Variants in NXF3 observed in about 807,000 individuals in gnomAD.
NXF3 encodes TAP-like protein 3.
In NXF3, 34 loss-of-function variants were observed where a neutral mutation model predicts 48.4. That is an observed-to-expected ratio of 0.70 (90% CI 0.53 to 0.93). The LOEUF (loss-of-function observed/expected upper bound fraction) is 0.93, where lower values mean the gene tolerates loss of function less well. Among genes scored for constraint, NXF3 ranks in the 40% least tolerant of loss-of-function variants. The pLI, the probability that NXF3 is intolerant of heterozygous loss-of-function variation, is 0.00. For synonymous variants in NXF3, 132 were observed against 145.7 expected (o/e 0.91, Z 0.68); for missense variants, 359 against 406.1 (o/e 0.88, Z 1.00).
chrX:103,085,105 C>T (rs1234193398), intron 1 of NXF3, among the ~76,000 whole-genome samples: 1 of 111,159 alleles, frequency 9.0e-6, no homozygotes, highest in Non-Finnish European at 1.9e-5. Context: ...GCTGGGACTA[C>T]AGGCATGTGC....
At chrX:103,080,886 T>C in intron 9 of NXF3, 1 of 369,049 alleles carries the variant, frequency 2.7e-6, no homozygotes, top group Non-Finnish European at 4.8e-6. Flanking sequence ...GCTACCTCAC[T>C]GGATGTCCGT....
Position 103,084,325 on chromosome X carries a change from T to C in NXF3, c.351+17A>G. On this transcript the variant is annotated intron_variant, in intron 3 of 19. Coordinates refer to ENST00000395065, the MANE Select transcript of NXF3 (RefSeq NM_022052.2). ...TTCTCCTTCTGAACATTAGATCCAC[T>C]TTGCCAGGACACTCACTGTGATCTT... 8.3e-7 allele frequency: 1 copy of C among 1,209,871 alleles called. No homozygotes were observed. Among genetic ancestry groups the C allele is most frequent in the Non-Finnish European group, 1.1e-6 (1 of 894,448 alleles).
chrX:103,092,388 T>C (rs1209014089), intron 1 of NXF3, among the ~76,000 whole-genome samples: 2 of 112,291 alleles, frequency 1.8e-5, no homozygotes, highest in Non-Finnish European at 3.8e-5. Flanking sequence ...ATTCTAAATT[T>C]GTATGCATGT....
Position 103,079,717 on chromosome X carries a change from G to A in NXF3, c.1160+46C>T, listed in dbSNP as rs763893765. 1.4e-5 allele frequency: 16 copies of A among 1,185,059 alleles called. No individual in the cohort carries two copies. In the Admixed American group the frequency reaches 3.3e-4, roughly 24 times the overall value. ...CTCCAGGAGCTGGTGTCTTTCTGCA[G>A]GGGAGTCACATGGCCCTGGACCAGG... On this transcript the variant is annotated intron_variant, in intron 13 of 19. Transcript: ENST00000395065.
rs1374017135 is a variant in NXF3, at chrX:103,079,457, G to A, written c.1237C>T (p.Leu413=). ...ACAATATCAAGTTTTGTGTGCTTCA[G>A]CAGCTCCCCCCGAAGGTCTGTAGAG... ...LKDPYLRGEL[L]KHTKLDIVDS... is the part of the protein sequence containing the mutation. The change falls in exon 15 of 20, where the codon CTG becomes TTG. Residue 413 remains leucine (L), a synonymous_variant. Transcript: ENST00000395065. 8.3e-7 allele frequency: 1 copy of A among 1,208,713 alleles called. No homozygotes were observed. Among genetic ancestry groups the A allele is most frequent in the Non-Finnish European group, 1.1e-6 (1 of 894,242 alleles).
chrX:103,078,387 A>G (rs1436051750), intron 17 of NXF3, among the ~76,000 whole-genome samples, 173 bp downstream of exon 17: 1 of 112,206 alleles, frequency 8.9e-6, no homozygotes, highest in African/African-American at 3.2e-5. Context: ...TCAGCTTCCT[A>G]AAATACTGGG....
At chrX:103,092,168 C>A (rs1197791563) in intron 1 of NXF3, among the ~76,000 whole-genome samples, 1 of 109,580 alleles carries the variant, frequency 9.1e-6, no homozygotes, top group Non-Finnish European at 1.9e-5. Context: ...TGATTATTTA[C>A]GGACATAGTT....
At position 103,082,274 on chromosome X, in the gene NXF3, C is replaced by A. The variant is rs767943790; in HGVS notation, c.871G>T (p.Asp291Tyr). ...DRSPVCTTFS[D>Y]TSSNINSILE... ...ACTGACTTTATGTTGCTGGAGGTAT[C>A]CGAGAAGGTCGTGCACACTGGGCTT... Residue 291 changes from aspartate (D) to tyrosine (Y), a missense_variant, in exon 9 of 20, where the codon GAT becomes TAT. Transcript: ENST00000395065. 17 of 1,202,970 alleles carry A rather than the reference C, an allele frequency of 1.4e-5. No homozygotes were observed. The highest frequency in any genetic ancestry group is 1.8e-5 in the Non-Finnish European group (16 of 889,299).
chrX:103,082,635 A>G, intron 8 of NXF3, 125 bp downstream of exon 8: 2 of 589,477 alleles, frequency 3.4e-6, no homozygotes. Flanking sequence ...GGCAAAAGCT[A>G]TGGGGAGGAA....
chrX:103,082,278 G>A lies in NXF3; in HGVS notation c.867C>T (p.Phe289=). 8.3e-7 allele frequency: 1 copy of A among 1,206,693 alleles called. No individual in the cohort carries two copies. The highest frequency in any genetic ancestry group is 1.1e-6 in the Non-Finnish European group (1 of 891,075). Residue 289 remains phenylalanine (F), a synonymous_variant, in exon 9 of 20, where the codon TTC becomes TTT. Transcript: ENST00000395065. The part of the protein sequence containing the change: ...CADRSPVCTT[F]SDTSSNINSI... ...ACTTTATGTTGCTGGAGGTATCCGAGAAGGTCGTGCACACTGGGCTTCTGT... is the reference window on the plus strand; with the variant it reads ...ACTTTATGTTGCTGGAGGTATCCGAAAAGGTCGTGCACACTGGGCTTCTGT...
intron 1 of NXF3, among the ~76,000 whole-genome samples, chrX:103,092,394 C>T (rs1922300276): frequency 9.0e-6 from 1 of 111,709 alleles, no homozygotes; most frequent in Non-Finnish European, 1.9e-5. Context: ...AATTTGTATG[C>T]ATGTCTTAAC....
At chrX:103,080,747 C>A in intron 9 of NXF3, 135 bp from the exon 10 acceptor site, 1 of 579,427 alleles carries the variant, frequency 1.7e-6, no homozygotes, top group Admixed American at 2.8e-5. Flanking sequence ...GCCTCTGCAG[C>A]CCTGGGCAGC....
intron 1 of NXF3, chrX:103,089,104 T>C: frequency 1.1e-6 from 1 of 939,112 alleles, no homozygotes. Flanking sequence ...GCTAGGAGTT[T>C]CTGATCTCCA....
At chrX:103,079,992 C>T in intron 12 of NXF3, 21 bp downstream of exon 12, 1 of 1,209,537 alleles carries the variant, frequency 8.3e-7, no homozygotes, top group Middle Eastern at 2.3e-4. Flanking sequence ...TCTCTTGCCT[C>T]AGATTCCCAG....
At chrX:103,082,179 G>A (rs1386295611) in intron 9 of NXF3, 76 bp downstream of exon 9, 1 of 657,183 alleles carries the variant, frequency 1.5e-6, no homozygotes, top group Non-Finnish European at 2.5e-6. Context: ...CAGAAGACTA[G>A]TGCTGCCTCC....
intron 18 of NXF3, among the ~76,000 whole-genome samples, chrX:103,076,746 C>G (rs1185979123): frequency 9.7e-6 from 1 of 103,130 alleles, no homozygotes; most frequent in Non-Finnish European, 2.0e-5. Flanking sequence ...CAGTCACCCC[C>G]CCATCCACCA....
chrX:103,077,174 A>G (rs774492694), intron 18 of NXF3, among the ~76,000 whole-genome samples: 4 of 108,949 alleles, frequency 3.7e-5, no homozygotes, highest in Admixed American at 2.0e-4. Flanking sequence ...GCAAGTTCCC[A>G]TTATTCACTC....
At position 103,082,785 on chromosome X, in the gene NXF3, TC is replaced by T; in HGVS notation, c.754del (p.Asp252ThrfsTer10). On this transcript the variant is annotated frameshift_variant, in exon 8 of 20. Transcript: ENST00000395065. LOFTEE classifies it high-confidence loss of function. ...TGTAGGTATGTTCTCTTCATGGACG[TC>T]CAGGGAGGCAGCCATGCACTTTCTA... Reference protein sequence around the residue: ...NPRKCMAASLDVHEENIPTVM... With the variant: ...NPRKCMAASLXVHEENIPTVM... 8.3e-7 allele frequency: 1 copy of T among 1,209,246 alleles called. No homozygotes were observed. The highest frequency in any genetic ancestry group is 1.1e-6 in the Non-Finnish European group (1 of 893,147).
chrX:103,079,373 T>C lies in NXF3; in HGVS notation c.1321A>G (p.Met441Val), dbSNP rs368544953. ...QHDLSSFLVD[M>V]WYQTEWMLCF... ...CAGGTACTCACCGTCTGGTACCACA[T>C]GTCCACCAGGAAGGAGCTGAGGTCA... The change falls in exon 15 of 20, where the codon ATG (methionine) becomes GTG (valine). Residue 441 changes from methionine to valine, a missense_variant. Physicochemically the swap from Met to Val is conservative, Grantham distance 21 (BLOSUM62 1). Transcript: ENST00000395065. 1.2e-4 allele frequency: 150 copies of C among 1,209,000 alleles called. No homozygotes were observed. The highest frequency in any genetic ancestry group is 2.4e-4 in the African/African-American group (14 of 57,197).
Sources: allele counts gnomAD v4.1 joint callset (sites outside exome capture counted in the v4.1 genomes callset), GRCh38; gene constraint gnomAD v4.1.1; transcripts MANE v1.5; gene names NCBI Gene and HGNC (gene_info 2026-07-23, HGNC 2026-07-21).